The following INSYN2A variants were observed in gnomAD, a reference collection of about 807,000 sequenced individuals.
INSYN2A encodes the protein family with sequence similarity 196 member A.
In INSYN2A, 17 loss-of-function variants were observed where a neutral mutation model predicts 39.4. The observed-to-expected ratio is 0.43, with a 90% CI of 0.30 to 0.65. INSYN2A has a LOEUF of 0.65. Ranked by LOEUF, INSYN2A falls within the 30% of genes least tolerant of loss-of-function variation. The pLI, the probability that INSYN2A is intolerant of heterozygous loss-of-function variation, is 0.14. For synonymous variants in INSYN2A, 255 were observed against 265.7 expected (o/e 0.96, Z 0.39); for missense variants, 595 against 631.2 (o/e 0.94, Z 0.61).
chr10:127,173,889 C>T (rs2054818120), intron 4 of INSYN2A, among the ~76,000 whole-genome samples: 1 of 152,152 alleles, frequency 6.6e-6, no homozygotes, highest in Non-Finnish European at 1.5e-5. Flanking sequence ...GATTTTTGTA[C>T]ATTTGGCTGG....
In INSYN2A at chr10:127,136,602, A is replaced by G. The variant is rs1341772810; in HGVS notation, c.*1235T>C. ...TATAAAAAGATACTTGCAAAGGTGC[A>G]AAGAAATGAGTGAAAAAATAAAGGA... On this transcript the variant is annotated 3_prime_UTR_variant, in exon 6 of 6. Coordinates refer to ENST00000522781, the MANE Select transcript of INSYN2A (RefSeq NM_001039762.3). 1 of 152,680 alleles carries G rather than the reference A, an allele frequency of 6.5e-6. No individual in the cohort carries two copies. The highest frequency in any genetic ancestry group is 2.4e-5 in the African/African-American group (1 of 41,470). 9.5% of individuals were successfully genotyped at this position (152,680 alleles called of 1,614,324 possible). A position where few individuals can be genotyped will look rare whatever the true frequency, so the allele number is the denominator to read the frequency against.
Position 127,175,202 on chromosome 10 carries a change from A to G in INSYN2A, c.1184+10T>C, listed in dbSNP as rs769099588. The stretch of plus-strand genomic sequence containing the variant: ...GCATAGCTTCCTAAGACATGGGTGA[A>G]CATACATACCCTTCCCGATGGGCCT... On this transcript the variant is annotated intron_variant, in intron 4 of 5. Coordinates refer to ENST00000522781, the MANE Select transcript of INSYN2A (RefSeq NM_001039762.3). This position sits in a 1 kb window ranked among gnomAD's most constrained non-coding sequence, Gnocchi z 6.3. The G allele has an allele frequency of 6.2e-6, 10 of 1,600,166 alleles. No individual in the cohort carries two copies. In the East Asian group the frequency reaches 1.1e-4, roughly 18 times the overall value.
At chr10:127,161,070 A>G (rs1328079399) in intron 4 of INSYN2A, among the ~76,000 whole-genome samples, 2 of 152,176 alleles carry the variant, frequency 1.3e-5, no homozygotes, top group Non-Finnish European at 2.9e-5. Flanking sequence ...TTTGAGAGCC[A>G]CTCTGAGCAG....
chr10:127,190,694 G>A (rs1379092777), intron 2 of INSYN2A, among the ~76,000 whole-genome samples: 2 of 83,054 alleles, frequency 2.4e-5, no homozygotes, highest in African/African-American at 5.5e-5. Flanking sequence ...GTTCCTGCTG[G>A]CTCCCAGATT....
intron 4 of INSYN2A, among the ~76,000 whole-genome samples, chr10:127,164,210 G>T (rs2053871448): frequency 9.2e-6 from 1 of 108,182 alleles, no homozygotes. Flanking sequence ...TTGAGACAGA[G>T]TCCTGCTCTG....
chr10:127,170,730 A>G (rs970063602), intron 4 of INSYN2A, among the ~76,000 whole-genome samples: 34 of 152,106 alleles, frequency 2.2e-4, no homozygotes, highest in African/African-American at 7.2e-4. Flanking sequence ...GGTTTTTTAA[A>G]TCCACTGTCC....
In INSYN2A at chr10:127,175,822, A is replaced by G. The variant is rs1423396236; in HGVS notation, c.574T>C (p.Cys192Arg). ...NTVDQPLGVNCTEPCKSPEPL... is the reference protein window; with the variant it reads ...NTVDQPLGVNRTEPCKSPEPL... ...TCCGGGCTTTTACAGGGCTCTGTGC[A>G]GTTGACCCCCAAAGGCTGGTCCACT... The change falls in exon 4 of 6, where the codon TGC becomes CGC. Residue 192 changes from cysteine (C) to arginine (R), a missense_variant. By Grantham distance (180) the Cys-to-Arg change is radical (BLOSUM62 -3). This residue lies in a region of INSYN2A where 478 missense variants were observed against 467.4 expected (regional missense o/e 1.02). Transcript: ENST00000522781. The surrounding 1 kb of genome is among the most constrained non-coding windows in gnomAD (Gnocchi z 6.3). 1.9e-6 allele frequency: 3 copies of G among 1,613,922 alleles called. No individual in the cohort carries two copies. In the African/African-American group the frequency reaches 4.0e-5, roughly 22 times the overall value.
At chr10:127,188,148 C>T (rs1329773589) in intron 2 of INSYN2A, among the ~76,000 whole-genome samples, 2 of 152,126 alleles carry the variant, frequency 1.3e-5, no homozygotes, top group Non-Finnish European at 2.9e-5. Flanking sequence ...TTGGGATGAT[C>T]ACCAGCAGAT....
At chr10:127,194,039 C>G (rs2056930403) in intron 1 of INSYN2A, among the ~76,000 whole-genome samples, 1 of 152,180 alleles carries the variant, frequency 6.6e-6, no homozygotes, top group Non-Finnish European at 1.5e-5. Context: ...GTCGTGGCAA[C>G]TGTAATAAGT....
chr10:127,161,118 G>C (rs950861369), intron 4 of INSYN2A, among the ~76,000 whole-genome samples: 15 of 152,184 alleles, frequency 9.9e-5, no homozygotes, highest in Non-Finnish European at 1.2e-4. Flanking sequence ...GTCTCACCAG[G>C]AGTTTGCCAG....
chr10:127,142,773 G>A (rs138452753), intron 5 of INSYN2A, among the ~76,000 whole-genome samples: 28 of 152,236 alleles, frequency 1.8e-4, no homozygotes, highest in African/African-American at 4.1e-4. Flanking sequence ...GGGCTGTGTC[G>A]CCCTCGCTGT....
At chr10:127,180,345 C>CCATGGA (rs2055607177) in intron 2 of INSYN2A, among the ~76,000 whole-genome samples, 1 of 152,146 alleles carries the variant, frequency 6.6e-6, no homozygotes, top group Non-Finnish European at 1.5e-5. Flanking sequence ...CCCTAGAGAA[C>CCATGGA]CATGGACTCT....
At position 127,175,834 on chromosome 10, in the gene INSYN2A, A is replaced by G; in HGVS notation, c.562T>C (p.Leu188=). 4 of 1,614,024 alleles carry G rather than the reference A, an allele frequency of 2.5e-6. No individual in the cohort carries two copies. Among genetic ancestry groups the G allele is most frequent in the Non-Finnish European group, 3.4e-6 (4 of 1,179,984 alleles). ...CAGGGCTCTGTGCAGTTGACCCCCA[A>G]AGGCTGGTCCACTGTGTTCATGTGT... is the stretch of plus-strand genomic sequence containing the variant. ...NQHMNTVDQP[L]GVNCTEPCKS... Residue 188 remains leucine (L), a synonymous_variant, in exon 4 of 6, where the codon TTG becomes CTG. Coordinates refer to ENST00000522781, the MANE Select transcript of INSYN2A (RefSeq NM_001039762.3). This position sits in a 1 kb window ranked among gnomAD's most constrained non-coding sequence, Gnocchi z 6.3.
At chr10:127,167,688 C>G (rs964028554) in intron 4 of INSYN2A, among the ~76,000 whole-genome samples, 3 of 152,074 alleles carry the variant, frequency 2.0e-5, no homozygotes, top group Admixed American at 6.5e-5. Flanking sequence ...TGAACTAAAA[C>G]AAAATCCAGG....
At chr10:127,195,359 G>T (rs2057036392) in intron 1 of INSYN2A, among the ~76,000 whole-genome samples, 1 of 152,192 alleles carries the variant, frequency 6.6e-6, no homozygotes, top group African/African-American at 2.4e-5. Context: ...GACTCGGGCT[G>T]CCAGGCACCG....
intron 5 of INSYN2A, among the ~76,000 whole-genome samples, chr10:127,149,477 A>G (rs1428638128): frequency 6.6e-6 from 1 of 152,198 alleles, no homozygotes; most frequent in African/African-American, 2.4e-5. Flanking sequence ...TCCCATGGCA[A>G]AGGTACCCAT....
chr10:127,190,866 A>G (rs1016596290), intron 2 of INSYN2A, among the ~76,000 whole-genome samples: 10 of 151,932 alleles, frequency 6.6e-5, no homozygotes, highest in African/African-American at 2.4e-4. Context: ...GCACATTCTC[A>G]TCTGTGACAC....
Position 127,175,016 on chromosome 10 carries a change from G to A in INSYN2A, c.1184+196C>T, listed in dbSNP as rs1043335525. Among the ~76,000 whole-genome samples the A allele has an allele frequency of 2.0e-5, 3 of 152,178 alleles. No homozygotes were observed. Among genetic ancestry groups the A allele is most frequent in the Admixed American group, 6.5e-5 (1 of 15,270 alleles). On this transcript the variant is annotated intron_variant, in intron 4 of 5. Transcript: ENST00000522781. This position sits in a 1 kb window ranked among gnomAD's most constrained non-coding sequence, Gnocchi z 6.3. ...GAAAGATGAACATTAACCAGAAAGC[G>A]TATCGTGCAGGATGCAGTGACGTCT...
chr10:127,193,829 A>G (rs985610717), intron 1 of INSYN2A, among the ~76,000 whole-genome samples: 7 of 152,340 alleles, frequency 4.6e-5, no homozygotes, highest in Middle Eastern at 3.4e-3. Context: ...GTGGCAAAAC[A>G]GAGAAGCCCC....
Sources: gnomAD v4.1 joint callset for allele counts (sites outside exome capture counted in the v4.1 genomes callset) on GRCh38, gnomAD v4.1.1 for gene constraint, gnomAD v4.1.1 regional missense constraint, Gnocchi (gnomAD v3.1) non-coding constraint, MANE v1.5 for transcripts, NCBI Gene and HGNC (gene_info 2026-07-23, HGNC 2026-07-21) for gene names.